PPFIA2: variants seen among roughly 807,000 people sequenced by gnomAD.
The protein encoded by PPFIA2 is liprin-alpha-2.
A neutral mutation model predicts 175.5 loss-of-function variants in PPFIA2; 46 were observed. That is an observed-to-expected ratio of 0.26 (90% CI 0.21 to 0.34). The LOEUF (loss-of-function observed/expected upper bound fraction) is 0.34. PPFIA2 is among the 10% of genes least tolerant of loss of function. The pLI is 1.00. For missense variants in PPFIA2, 1,179 were observed against 1,506.1 expected, an observed-to-expected ratio of 0.78 and a Z score of 3.60; for synonymous variants, 568 against 511.4, an observed-to-expected ratio of 1.11 and a Z score of -1.49.
rs1475963175 is a variant in PPFIA2 at position 81,698,322 on chromosome 12, C to G, written c.250-21478G>C. Among the ~76,000 whole-genome samples, 3 of 152,046 alleles carry G rather than the reference C, an allele frequency of 2.0e-5. No individual in the cohort carries two copies. In the East Asian group the frequency reaches 5.8e-4, roughly 29 times the overall value. ...CATAAATGAATTAGTGCTGTTATTG[C>G]AGAAGCAAGTTTCTGATAAAAGTGA... is the stretch of plus-strand genomic sequence containing the variant. On this transcript the variant is annotated intron_variant, in intron 3 of 32. Coordinates refer to ENST00000549396, the MANE Select transcript of PPFIA2 (RefSeq NM_003625.5).
intron 4 of PPFIA2, among the ~76,000 whole-genome samples, chr12:81,494,770 A>G (rs1411681370): frequency 6.6e-6 from 1 of 152,054 alleles, no homozygotes; most frequent in Non-Finnish European, 1.5e-5. Flanking sequence ...AGCCATAAAA[A>G]AGGATGAGTC....
At chr12:81,438,801 A>T (rs2144911500) in intron 7 of PPFIA2, among the ~76,000 whole-genome samples, 1 of 152,264 alleles carries the variant, frequency 6.6e-6, no homozygotes, top group Admixed American at 6.5e-5. Flanking sequence ...ATTTATCTTT[A>T]CTTTTTACTA....
At chr12:81,304,335 A>G (rs894377510) in intron 22 of PPFIA2, among the ~76,000 whole-genome samples, 2 of 152,328 alleles carry the variant, frequency 1.3e-5, no homozygotes, top group Non-Finnish European at 2.9e-5. Context: ...GACCTACTAT[A>G]TGCCAAGTTT....
intron 3 of PPFIA2, among the ~76,000 whole-genome samples, chr12:81,706,570 G>GA (rs1358040611): frequency 1.8e-4 from 27 of 152,142 alleles, no homozygotes; most frequent in Non-Finnish European, 3.7e-4. Flanking sequence ...AAGCTAAAGA[G>GA]AAAAGTCTAA....
intron 7 of PPFIA2, among the ~76,000 whole-genome samples, chr12:81,418,261 T>C (rs2045660040): frequency 1.3e-5 from 2 of 151,866 alleles, no homozygotes; most frequent in South Asian, 4.1e-4. Flanking sequence ...GTAGAATATA[T>C]TTACTGGAAC....
At chr12:81,565,191 C>A (rs1352427172) in intron 4 of PPFIA2, among the ~76,000 whole-genome samples, 1 of 152,148 alleles carries the variant, frequency 6.6e-6, no homozygotes, top group Admixed American at 6.5e-5. Flanking sequence ...AGGAGATAAA[C>A]CCTGTGCTGC....
intron 4 of PPFIA2, among the ~76,000 whole-genome samples, chr12:81,631,799 C>T (rs2063419775): frequency 6.6e-6 from 1 of 152,134 alleles, no homozygotes; most frequent in South Asian, 2.1e-4. Context: ...AAACACCTCG[C>T]CTCAAGTATA....
chr12:81,475,446 TATA>T (rs978429232), intron 4 of PPFIA2, among the ~76,000 whole-genome samples: 3 of 152,250 alleles, frequency 2.0e-5, no homozygotes, highest in African/African-American at 7.2e-5. Context: ...ACTTATTTTA[TATA>T]ATGTGTTTTA....
chr12:81,339,383 A>C, intron 20 of PPFIA2, 49 bp from the exon 21 acceptor site: 1 of 1,399,392 alleles, frequency 7.1e-7, no homozygotes, highest in Non-Finnish European at 9.4e-7. Context: ...CAAGGTACAC[A>C]AAAGTCATTT....
chr12:81,571,762 T>A (rs762868766), intron 4 of PPFIA2, among the ~76,000 whole-genome samples: 9 of 152,136 alleles, frequency 5.9e-5, no homozygotes, highest in Non-Finnish European at 1.0e-4. Context: ...CAGAAAACAT[T>A]TACAGAGTAC....
At position 81,615,208 on chromosome 12, in the gene PPFIA2, G is replaced by T. The variant is rs546741164; in HGVS notation, c.303+61583C>A. On this transcript the variant is annotated intron_variant, in intron 4 of 32. Coordinates refer to ENST00000549396, the MANE Select transcript of PPFIA2 (RefSeq NM_003625.5). ...GGCTTTGGTCTGAGCAGCTGCTCCCGTTTTTGGCCTATGCAATGCAAGGAT... is the reference window on the plus strand; with the variant it reads ...GGCTTTGGTCTGAGCAGCTGCTCCCTTTTTTGGCCTATGCAATGCAAGGAT... Among the ~76,000 whole-genome samples the T allele has an allele frequency of 8.5e-5, 13 of 152,260 alleles. No individual in the cohort carries two copies. In the South Asian group the frequency reaches 2.7e-3, roughly 32 times the overall value.
At chr12:81,602,092 A>G (rs900218662) in intron 4 of PPFIA2, among the ~76,000 whole-genome samples, 1 of 151,912 alleles carries the variant, frequency 6.6e-6, no homozygotes, top group East Asian at 1.9e-4. Context: ...GCAAAAATAT[A>G]TAATATACAC....
intron 4 of PPFIA2, among the ~76,000 whole-genome samples, chr12:81,479,821 C>A (rs1237256647): frequency 1.3e-5 from 2 of 152,086 alleles, no homozygotes; most frequent in African/African-American, 4.8e-5. Flanking sequence ...CGACATTTTT[C>A]TCTGGCTGCC....
chr12:81,696,494 A>T (rs778297234), intron 3 of PPFIA2, among the ~76,000 whole-genome samples: 16 of 152,074 alleles, frequency 1.1e-4, no homozygotes, highest in Non-Finnish European at 2.4e-4. Context: ...GCATATTTAA[A>T]CCTTGCATAT....
chr12:81,679,308 T>C (rs1175775230), intron 3 of PPFIA2, among the ~76,000 whole-genome samples: 2 of 151,900 alleles, frequency 1.3e-5, no homozygotes, highest in East Asian at 1.9e-4. Flanking sequence ...TTGGAGTTAA[T>C]ACATGTCTTT....
At position 81,353,303 on chromosome 12, in the gene PPFIA2, G is replaced by C; in HGVS notation, c.1810C>G (p.Gln604Glu). 2.5e-6 allele frequency: 4 copies of C among 1,613,556 alleles called. No homozygotes were observed. Among genetic ancestry groups the C allele is most frequent in the Non-Finnish European group, 2.5e-6 (3 of 1,179,700 alleles). Residue 604 changes from glutamine (Q) to glutamate (E), a missense_variant, in exon 17 of 33, where the codon CAA becomes GAA. Coordinates refer to ENST00000549396, the MANE Select transcript of PPFIA2 (RefSeq NM_003625.5). ...SLGDHEWNRT[Q>E]QIGVLSSHPF... is the part of the protein sequence containing the mutation. ...TGGCTGCTTAGTACTCCAATCTGTT[G>C]AGTTCTATTCCACTCGTGATCCCCA...
intron 20 of PPFIA2, 106 bp from the exon 21 acceptor site, chr12:81,339,440 GT>G: frequency 3.3e-6 from 3 of 903,636 alleles, no homozygotes; most frequent in Middle Eastern, 2.4e-4. Flanking sequence ...TTGTAATGTT[GT>G]TTTTTCCCCT....
At chr12:81,617,779 A>T (rs2061554235) in intron 4 of PPFIA2, among the ~76,000 whole-genome samples, 2 of 152,240 alleles carry the variant, frequency 1.3e-5, no homozygotes, top group Non-Finnish European at 2.9e-5. Context: ...AGTACCAGCT[A>T]TAAGTTGCAC....
chr12:81,304,288 C>CT (rs1566025182), intron 22 of PPFIA2, among the ~76,000 whole-genome samples: 1 of 152,168 alleles, frequency 6.6e-6, no homozygotes, highest in Non-Finnish European at 1.5e-5. Flanking sequence ...CGCTCTGTGT[C>CT]TGAGTTGATT....
Sources: gnomAD v4.1 joint callset for allele counts (sites outside exome capture counted in the v4.1 genomes callset) on GRCh38, gnomAD v4.1.1 for gene constraint, MANE v1.5 for transcripts, NCBI Gene and HGNC (gene_info 2026-07-23, HGNC 2026-07-21) for gene names.